LOC114841035: variants seen among roughly 807,000 people sequenced by gnomAD.
At chr11:64,243,511 C>G in the LOC114841035 span, 6 of 1,613,230 alleles carry the variant, frequency 3.7e-6, no homozygotes, top group African/African-American at 4.0e-5. Context: ...AGAGGCCCCT[C>G]CTGAGGGTGC....
chr11:64,244,118 CA>C, the LOC114841035 span: 6 of 1,438,864 alleles, frequency 4.2e-6, no homozygotes, highest in Non-Finnish European at 5.8e-6. Context: ...AACAAAAAAA[CA>C]CTTAAAAGCC....
chr11:64,244,125 A>C, the LOC114841035 span: 6 of 1,365,014 alleles, frequency 4.4e-6, no homozygotes, highest in Non-Finnish European at 5.1e-6. Flanking sequence ...AAACACTTAA[A>C]AGCCCAAGGA....
chr11:64,242,438 C>CGCCGTG, the LOC114841035 span: 5 of 1,550,424 alleles, frequency 3.2e-6, no homozygotes, highest in African/African-American at 7.1e-5. Flanking sequence ...TCTGCCTGAG[C>CGCCGTG]GCCGTGGCCA....
At chr11:64,241,427 G>A in the LOC114841035 span, among the ~76,000 whole-genome samples, 1 of 151,760 alleles carries the variant, frequency 6.6e-6, no homozygotes, top group Non-Finnish European at 1.5e-5. Flanking sequence ...AGGGTCGGGG[G>A]ACGGAGCCTG....
the LOC114841035 span, chr11:64,242,172 C>A: frequency 6.2e-6 from 3 of 485,732 alleles, no homozygotes; most frequent in Admixed American, 1.3e-4. Flanking sequence ...CCCCTCCCCC[C>A]GCTGCTGGGG....
the LOC114841035 span, chr11:64,243,569 C>G: frequency 2.7e-5 from 42 of 1,567,012 alleles, no homozygotes; most frequent in South Asian, 4.3e-4. Flanking sequence ...GCTGCTTCAG[C>G]TTTTCATTGG....
At chr11:64,243,753 T>C in the LOC114841035 span, 1 of 1,563,648 alleles carries the variant, frequency 6.4e-7, no homozygotes, top group Non-Finnish European at 8.8e-7. Flanking sequence ...TCTGGCCTTC[T>C]TGCTGAGAGG....
At chr11:64,243,084 T>C in the LOC114841035 span, 1 of 886,966 alleles carries the variant, frequency 1.1e-6, no homozygotes, top group South Asian at 1.4e-5. Context: ...CAAAAAGGAC[T>C]GACCACCAGG....
chr11:64,243,421 G>A, the LOC114841035 span: 2 of 1,613,784 alleles, frequency 1.2e-6, no homozygotes, highest in Non-Finnish European at 1.7e-6. Context: ...CCTGGGTGCT[G>A]CCATGGGCTG....
the LOC114841035 span, chr11:64,243,133 G>A: frequency 3.5e-6 from 5 of 1,441,462 alleles, no homozygotes; most frequent in African/African-American, 7.0e-5. Context: ...GATGGGGAAA[G>A]CAGCTGAGGG....
chr11:64,242,265 G>A, the LOC114841035 span: 1 of 1,024,780 alleles, frequency 9.8e-7, no homozygotes, highest in Non-Finnish European at 1.3e-6. Flanking sequence ...GGGACAAAGG[G>A]GATCCCCCGG....
chr11:64,242,632 C>G, the LOC114841035 span: 8 of 1,453,632 alleles, frequency 5.5e-6, no homozygotes, highest in Admixed American at 1.9e-4. Flanking sequence ...GAGTCTGGTT[C>G]TCCATAAGCC....
chr11:64,243,124 A>C, the LOC114841035 span: 4 of 1,371,010 alleles, frequency 2.9e-6, no homozygotes, highest in South Asian at 4.7e-5. Flanking sequence ...GGGCAGCTTG[A>C]TGGGGAAAGC....
chr11:64,242,466 G>A, the LOC114841035 span: 3 of 1,550,734 alleles, frequency 1.9e-6, no homozygotes, highest in Admixed American at 6.7e-5. Flanking sequence ...GGGGGCCGAG[G>A]GCAAAAGGAA....
the LOC114841035 span, chr11:64,242,320 C>G: frequency 2.9e-6 from 4 of 1,402,588 alleles, no homozygotes; most frequent in South Asian, 3.0e-5. Context: ...GTTACCTACC[C>G]GTGTTCCATA....
At chr11:64,243,644 T>C in the LOC114841035 span, 1 of 1,208,386 alleles carries the variant, frequency 8.3e-7, no homozygotes, top group African/African-American at 1.5e-5. Flanking sequence ...TAGCAGTGAG[T>C]ACAGGGCAAG....
chr11:64,243,267 T>G, the LOC114841035 span: 1 of 1,612,102 alleles, frequency 6.2e-7, no homozygotes, highest in Non-Finnish European at 8.5e-7. Context: ...TCTTCTCCCT[T>G]GGCACAGGCC....
At chr11:64,241,690 T>C in the LOC114841035 span, 1 of 151,378 alleles carries the variant, frequency 6.6e-6, no homozygotes, top group Non-Finnish European at 1.5e-5. Flanking sequence ...CTCGCGGGGG[T>C]GGTCTCCGTG....
At chr11:64,241,545 T>C in the LOC114841035 span, 1 of 152,406 alleles carries the variant, frequency 6.6e-6, no homozygotes, top group African/African-American at 2.4e-5. Context: ...GTGAGTGGCG[T>C]GGCTACGGCT....
Sources: allele counts gnomAD v4.1 joint callset (sites outside exome capture counted in the v4.1 genomes callset), GRCh38; gene constraint gnomAD v4.1.1; transcripts MANE v1.5.